Variants in SYCP1 observed in about 807,000 individuals in gnomAD.
SYCP1 encodes the protein cancer/testis antigen 8.
A neutral mutation model predicts 153.1 loss-of-function variants in SYCP1; 64 were observed. The ratio of observed to expected loss-of-function variants is 0.42; its 90% CI spans 0.34 to 0.51. The LOEUF (loss-of-function observed/expected upper bound fraction) is 0.51. SYCP1 is among the 20% of genes least tolerant of loss of function. SYCP1 has a pLI of 0.06. For missense variants in SYCP1, 997 were observed against 1,049.0 expected, an observed-to-expected ratio of 0.95 and a Z score of 0.68; for synonymous variants, 384 against 341.8, an observed-to-expected ratio of 1.12 and a Z score of -1.36.
At position 114,938,922 on chromosome 1, in the gene SYCP1, G is replaced by T. The variant is rs538119677; in HGVS notation, c.1927-5417G>T. Among the ~76,000 whole-genome samples the T allele has an allele frequency of 3.9e-5, 6 of 152,264 alleles. No homozygotes were observed. In the South Asian group the frequency reaches 1.2e-3, roughly 32 times the overall value. On this transcript the variant is annotated intron_variant, in intron 23 of 31. Transcript: ENST00000369522. The stretch of plus-strand genomic sequence containing the variant: ...GAACAGAAAATAACATGTTAATGAG[G>T]TTGTGGAGAAATTGGAATTCTCGAG...
At chr1:114,921,402 G>A (rs537426500) in intron 20 of SYCP1, among the ~76,000 whole-genome samples, 51 of 152,132 alleles carry the variant, frequency 3.4e-4, no homozygotes, top group Admixed American at 7.9e-4. Flanking sequence ...TACGAGGCCA[G>A]GTACGGTGGC....
At chr1:114,929,004 A>C (rs1307226222) in intron 23 of SYCP1, among the ~76,000 whole-genome samples, 1 of 152,172 alleles carries the variant, frequency 6.6e-6, no homozygotes, top group Non-Finnish European at 1.5e-5. Context: ...GTTCATAAAC[A>C]GCCAACTTTT....
At chr1:114,910,598 C>A in intron 17 of SYCP1, 97 bp downstream of exon 17, 1 of 752,052 alleles carries the variant, frequency 1.3e-6, no homozygotes, top group Non-Finnish European at 2.0e-6. Context: ...AAGATTTCTT[C>A]ACAAAATTCC....
At chr1:114,898,513 C>A (rs532730725) in intron 16 of SYCP1, among the ~76,000 whole-genome samples, 3 of 152,238 alleles carry the variant, frequency 2.0e-5, no homozygotes, top group African/African-American at 7.2e-5. Flanking sequence ...TCCTTCTGAG[C>A]CACATCTGGA....
At chr1:114,877,552 A>G (rs924322966) in intron 11 of SYCP1, among the ~76,000 whole-genome samples, 5 of 152,240 alleles carry the variant, frequency 3.3e-5, no homozygotes, top group African/African-American at 9.6e-5. Context: ...AATAAAAACC[A>G]CAAAAATAGA....
At chr1:114,874,396 CATT>C in intron 8 of SYCP1, 107 bp from the exon 9 acceptor site, 2 of 655,224 alleles carry the variant, frequency 3.1e-6, no homozygotes, top group South Asian at 4.1e-5. Flanking sequence ...CAATGTTCAT[CATT>C]AACACAGAAT....
intron 23 of SYCP1, among the ~76,000 whole-genome samples, chr1:114,932,118 C>G (rs940583311): frequency 6.6e-6 from 1 of 152,006 alleles, no homozygotes; most frequent in African/African-American, 2.4e-5. Context: ...CAGAAGAAAA[C>G]GTAGGAGGGT....
chr1:114,873,689 G>T (rs1665324120), intron 8 of SYCP1, among the ~76,000 whole-genome samples: 1 of 152,148 alleles, frequency 6.6e-6, no homozygotes, highest in African/African-American at 2.4e-5. Context: ...GAGAAACCTG[G>T]TAGAGCTCCA....
Position 114,944,968 on chromosome 1 carries a change from A to G in SYCP1, c.2140A>G (p.Met714Val). The G allele has an allele frequency of 6.3e-7, 1 of 1,582,306 alleles. No individual in the cohort carries two copies. The highest frequency in any genetic ancestry group is 8.6e-7 in the Non-Finnish European group (1 of 1,169,236). Residue 714 changes from methionine (M) to valine (V), a missense_variant, in exon 25 of 32, where the codon ATG (methionine) becomes GTG (valine). Met to Val is a conservative substitution (Grantham distance 21). Transcript: ENST00000369522. ...QHKIAEMVALMEKHKHQYDKI... is the reference protein window; with the variant it reads ...QHKIAEMVALVEKHKHQYDKI... The stretch of plus-strand genomic sequence containing the variant: ...TAAAATAGCTGAAATGGTAGCACTT[A>G]TGGAAAAACATAAGGTAATTTTTTT...
At chr1:114,919,153 G>A (rs1668697268) in intron 20 of SYCP1, among the ~76,000 whole-genome samples, 2 of 151,932 alleles carry the variant, frequency 1.3e-5, no homozygotes, top group South Asian at 4.1e-4. Context: ...AGTCATATAT[G>A]CTTTTATTAT....
At chr1:114,939,170 A>G (rs1270468168) in intron 23 of SYCP1, among the ~76,000 whole-genome samples, 2 of 152,220 alleles carry the variant, frequency 1.3e-5, no homozygotes, top group Non-Finnish European at 2.9e-5. Flanking sequence ...GTGTCCATTG[A>G]CAGATGAATG....
chr1:114,929,653 C>A (rs1223134811), intron 23 of SYCP1, among the ~76,000 whole-genome samples: 4 of 151,810 alleles, frequency 2.6e-5, no homozygotes. Context: ...GTTGTCAATT[C>A]ATTAAAAAGA....
intron 21 of SYCP1, among the ~76,000 whole-genome samples, chr1:114,924,510 C>T (rs886249332): frequency 3.3e-5 from 5 of 152,150 alleles, no homozygotes; most frequent in Admixed American, 2.0e-4. Flanking sequence ...TGAGCTAGGG[C>T]GTGCTTCCTG....
intron 27 of SYCP1, among the ~76,000 whole-genome samples, chr1:114,968,269 G>A (rs1030011430): frequency 1.3e-5 from 2 of 152,176 alleles, no homozygotes; most frequent in East Asian, 3.8e-4. Context: ...ATCCTGAAGT[G>A]TGTTTTCCAA....
intron 11 of SYCP1, among the ~76,000 whole-genome samples, 164 bp from the exon 12 acceptor site, chr1:114,877,930 C>T (rs912837190): frequency 6.6e-6 from 1 of 152,122 alleles, no homozygotes; most frequent in Non-Finnish European, 1.5e-5. Context: ...AGGGCCAGTT[C>T]TCTGACTACA....
intron 27 of SYCP1, among the ~76,000 whole-genome samples, chr1:114,969,884 C>T (rs943038065): frequency 8.5e-5 from 13 of 152,156 alleles, no homozygotes; most frequent in African/African-American, 2.7e-4. Flanking sequence ...CATGGCTTCC[C>T]TTGGCTAGTA....
At chr1:114,890,131 T>G (rs7554683) in intron 15 of SYCP1, among the ~76,000 whole-genome samples, 9,362 of 152,060 alleles carry the variant, frequency 0.062, 322 homozygotes, top group Middle Eastern at 0.14. Flanking sequence ...TTTTTAGCAT[T>G]GCCTTAGATG....
At chr1:114,902,016 T>TG (rs1342874665) in intron 16 of SYCP1, among the ~76,000 whole-genome samples, 6 of 146,570 alleles carry the variant, frequency 4.1e-5, no homozygotes, top group Non-Finnish European at 9.0e-5. Flanking sequence ...ACTCCTTGGC[T>TG]GGGGGAGGGG....
At chr1:114,985,668 C>T (rs7526486) in intron 30 of SYCP1, among the ~76,000 whole-genome samples, 9,229 of 151,808 alleles carry the variant, frequency 0.061, 314 homozygotes, top group Middle Eastern at 0.14. Context: ...TAGTTGAAGT[C>T]TTAAAACCCT....
Sources: gnomAD v4.1 joint callset for allele counts (sites outside exome capture counted in the v4.1 genomes callset) on GRCh38, gnomAD v4.1.1 for gene constraint, MANE v1.5 for transcripts, NCBI Gene and HGNC (gene_info 2026-07-23, HGNC 2026-07-21) for gene names.